PTPRN: variants seen among roughly 807,000 people sequenced by gnomAD.
PTPRN encodes the protein receptor-type tyrosine-protein phosphatase-like N.
In PTPRN, 70 loss-of-function variants were observed where a neutral mutation model predicts 108.5. That is an observed-to-expected ratio of 0.65 (90% CI 0.53 to 0.79). The LOEUF is 0.79. PTPRN is among the 30% of genes least tolerant of loss of function. The probability of loss-of-function intolerance (pLI) is 0.00; values close to 1 mark genes in which losing one functional copy is unlikely to be tolerated. For missense variants in PTPRN, 1,136 were observed against 1,295.5 expected, an observed-to-expected ratio of 0.88 and a Z score of 1.89; for synonymous variants, 496 against 524.6, an observed-to-expected ratio of 0.95 and a Z score of 0.75.
At chr2:219,300,713 T>A (rs1952325261) in intron 8 of PTPRN, among the ~76,000 whole-genome samples, 1 of 152,122 alleles carries the variant, frequency 6.6e-6, no homozygotes, top group Non-Finnish European at 1.5e-5. Flanking sequence ...TGGTCTGAAA[T>A]GATTGTAGTG....
chr2:219,294,719 G>C (rs1201256609), intron 19 of PTPRN, among the ~76,000 whole-genome samples: 1 of 152,148 alleles, frequency 6.6e-6, no homozygotes, highest in African/African-American at 2.4e-5. Context: ...GCCAGTCCCG[G>C]GAGCGTGAGA....
rs372204624 is a variant in PTPRN at position 219,303,636 on chromosome 2, G to A, written c.377+99C>T. 7.2e-6 allele frequency: 8 copies of A among 1,117,358 alleles called. No homozygotes were observed. In the African/African-American group the frequency reaches 1.2e-4, roughly 17 times the overall value. 69.2% of individuals were successfully genotyped at this position (1,117,358 alleles called of 1,614,324 possible). A position where few individuals can be genotyped will look rare whatever the true frequency, so the allele number is the denominator to read the frequency against. On this transcript the variant is annotated intron_variant, in intron 4 of 22. Transcript: ENST00000295718. ...TCTTTACCTGTGCCCCAGCATGCTG[G>A]CCTTGGTGCCCACTTCCTTCCCCTT...
intron 20 of PTPRN, among the ~76,000 whole-genome samples, 195 bp downstream of exon 20, chr2:219,291,275 C>G (rs1426822061): frequency 6.6e-6 from 1 of 152,206 alleles, no homozygotes; most frequent in Non-Finnish European, 1.5e-5. Flanking sequence ...GTTTGTATCA[C>G]ATACTTTTCT....
At position 219,299,323 on chromosome 2, in the gene PTPRN, C is replaced by G. The variant is rs746702123; in HGVS notation, c.1585G>C (p.Asp529His). Reference sequence around the variant, plus strand: ...TATTTACCTGCTTGTTGGGTCACATCAGCCAAAGACAGGTTCTGCTCATTG... The same window carrying G: ...TATTTACCTGCTTGTTGGGTCACATGAGCCAAAGACAGGTTCTGCTCATTG... ...RHNEQNLSLADVTQQAGLVKS... is the reference protein window; with the variant it reads ...RHNEQNLSLAHVTQQAGLVKS... Residue 529 changes from aspartate (D) to histidine (H), a missense_variant, in exon 11 of 23, where the codon GAT (aspartate) becomes CAT (histidine). Coordinates refer to ENST00000295718, the MANE Select transcript of PTPRN (RefSeq NM_002846.4). The G allele has an allele frequency of 2.8e-5, 45 of 1,614,104 alleles. 1 individual carries two copies. The Admixed American group carries it at 6.3e-4, about 23-fold the overall frequency.
rs1438784952 is a variant in PTPRN, at chr2:219,307,575, G to A, written c.167-18C>T. 5.6e-6 allele frequency: 9 copies of A among 1,609,020 alleles called. No individual in the cohort carries two copies. The highest frequency in any genetic ancestry group is 1.3e-5 in the African/African-American group (1 of 74,790). On this transcript the variant is annotated intron_variant, in intron 2 of 22. Coordinates refer to ENST00000295718, the MANE Select transcript of PTPRN (RefSeq NM_002846.4). ...CAAGCCATCTAAGGGCACAAAAGTGGTGTCAGCAGGGGGCTTGAATAAGAG... is the reference window on the plus strand; with the variant it reads ...CAAGCCATCTAAGGGCACAAAAGTGATGTCAGCAGGGGGCTTGAATAAGAG...
chr2:219,300,843 G>A, intron 8 of PTPRN, 100 bp downstream of exon 8: 1 of 1,347,920 alleles, frequency 7.4e-7, no homozygotes, highest in South Asian at 1.2e-5. Context: ...ATGAGGGGTG[G>A]GAGGATACAG....
At chr2:219,300,366 T>A in intron 8 of PTPRN, 107 bp from the exon 9 acceptor site, 3 of 1,242,178 alleles carry the variant, frequency 2.4e-6, no homozygotes, top group Non-Finnish European at 3.3e-6. Context: ...TTTCACTTTC[T>A]ACCCCCAGGG....
At chr2:219,294,830 G>A in intron 19 of PTPRN, 145 bp downstream of exon 19, 3 of 840,694 alleles carry the variant, frequency 3.6e-6, no homozygotes, top group Non-Finnish European at 5.0e-6. Context: ...GCTTTTAGGG[G>A]TGGGAGCGTG....
Position 219,309,231 on chromosome 2 carries a change from G to A in PTPRN, c.102C>T (p.Ala34=), listed in dbSNP as rs1952565466. ...LLSSRPGGCS[A]VSAHGCLFDR... is the part of the protein sequence containing the mutation. The stretch of plus-strand genomic sequence containing the variant: ...TTTCCTCCTGACCGTGGGCACTAAC[G>A]GCGCTGCAGCCCCCCGGGCGGCTGC... The change falls in exon 1 of 23, where the codon GCC becomes GCT. Residue 34 remains alanine (A), a synonymous_variant. Transcript: ENST00000295718. 7.2e-7 allele frequency: 1 copy of A among 1,394,972 alleles called. No individual in the cohort carries two copies. Among genetic ancestry groups the A allele is most frequent in the East Asian group, 3.2e-5 (1 of 31,424 alleles). The allele number at this position is 1,394,972 out of a possible 1,614,324, so 86.4% of individuals were successfully genotyped here. A position where few individuals can be genotyped will look rare whatever the true frequency, so the allele number is the denominator to read the frequency against.
Position 219,290,552 on chromosome 2 carries a change from G to T in PTPRN, c.2854C>A (p.Leu952Ile). ...GGCATGGTCACCTTAGAGCGGACAA[G>T]GCCAGGCCGCTGGTCACGGACATGC... ...LEHVRDQRPG[L>I]VRSKDQFEFA... Residue 952 changes from leucine to isoleucine, a missense_variant, in exon 22 of 23, where the codon CTT becomes ATT. Transcript: ENST00000295718. This position sits in a 1 kb window ranked among gnomAD's most constrained non-coding sequence, Gnocchi z 4.2. The T allele has an allele frequency of 6.4e-7, 1 of 1,551,754 alleles. No individual in the cohort carries two copies. Among genetic ancestry groups the T allele is most frequent in the Non-Finnish European group, 8.7e-7 (1 of 1,146,982 alleles).
rs534613315 is a variant in PTPRN at position 219,302,568 on chromosome 2, G to A, written c.639+8C>T. The A allele has an allele frequency of 1.9e-6, 3 of 1,614,022 alleles. No homozygotes were observed. The highest frequency in any genetic ancestry group is 2.7e-5 in the African/African-American group (2 of 75,048). The stretch of plus-strand genomic sequence containing the variant: ...GCGGTTGGGGTGGGACCAGAGTCAA[G>A]GACTTACCTGGTGGAACAGGTAGGG... On this transcript the variant is annotated splice_region_variant and intron_variant, in intron 5 of 22. Transcript: ENST00000295718.
chr2:219,296,715 G>A lies in PTPRN; in HGVS notation c.2310+34C>T, dbSNP rs1952205685. On this transcript the variant is annotated intron_variant, in intron 16 of 22. Coordinates refer to ENST00000295718, the MANE Select transcript of PTPRN (RefSeq NM_002846.4). The surrounding 1 kb of genome is among the most constrained non-coding windows in gnomAD (Gnocchi z 6.0). The stretch of plus-strand genomic sequence containing the variant: ...GTGCATAGGGCCAGGATAATGATGG[G>A]GCAGAGGTGGGGGCTGGAGTCAGGG... The A allele has an allele frequency of 6.2e-7, 1 of 1,610,804 alleles. No individual in the cohort carries two copies. The highest frequency in any genetic ancestry group is 1.1e-5 in the South Asian group (1 of 90,742).
intron 1 of PTPRN, chr2:219,308,802 A>G (rs1166246799): frequency 2.4e-6 from 3 of 1,275,376 alleles, no homozygotes; most frequent in Non-Finnish European, 3.1e-6. Context: ...TCTGCGGCCC[A>G]GGCTTCCACT....
rs1269022100 is a variant in PTPRN, at chr2:219,295,088, G to A, written c.2562C>T (p.Phe854=). ...IWCEDFLVRS[F]YLKNVQTQET... ...CCTGGGTCTGCACGTTCTTCAGGTA[G>A]AAGCTCCGCACCAGAAAGTCCTCGC... Residue 854 remains phenylalanine (F), a synonymous_variant, in exon 19 of 23, where the codon TTC becomes TTT. Transcript: ENST00000295718. 1 of 1,613,464 alleles carries A rather than the reference G, an allele frequency of 6.2e-7. No homozygotes were observed. The highest frequency in any genetic ancestry group is 1.3e-5 in the African/African-American group (1 of 74,890).
In PTPRN at chr2:219,291,000, C is replaced by T. The variant is rs1952042319; in HGVS notation, c.2730-110G>A. On this transcript the variant is annotated intron_variant, in intron 20 of 22. Coordinates refer to ENST00000295718, the MANE Select transcript of PTPRN (RefSeq NM_002846.4). This position sits in a 1 kb window ranked among gnomAD's most constrained non-coding sequence, Gnocchi z 4.2. Reference sequence around the variant, plus strand: ...GGGGGAGGGGAGGACACTGGGTGACCCGTTGGGGTTGGCTTGGAGAGGGAC... The same window carrying T: ...GGGGGAGGGGAGGACACTGGGTGACTCGTTGGGGTTGGCTTGGAGAGGGAC... The T allele has an allele frequency of 5.6e-6, 6 of 1,080,452 alleles. No homozygotes were observed. The highest frequency in any genetic ancestry group is 7.1e-6 in the Non-Finnish European group (5 of 705,720). 66.9% of individuals were successfully genotyped at this position (1,080,452 alleles called of 1,614,324 possible).
chr2:219,302,873 G>A (rs1194082923), intron 4 of PTPRN, 36 bp from the exon 5 acceptor site: 14 of 1,596,478 alleles, frequency 8.8e-6, no homozygotes, highest in African/African-American at 1.4e-5. Flanking sequence ...GTTGGAGCGG[G>A]GGAAAGGGCA....
At chr2:219,298,139 G>A (rs370511481) in intron 12 of PTPRN, 36 bp from the exon 13 acceptor site, 2 of 1,593,810 alleles carry the variant, frequency 1.3e-6, no homozygotes, top group Non-Finnish European at 1.7e-6. Flanking sequence ...GGAGGCAGTG[G>A]CATAGGGAGG....
In PTPRN at chr2:219,303,626, C is replaced by T. The variant is rs1018389388; in HGVS notation, c.377+109G>A. ...TTCCTGCACCTCTTTACCTGTGCCCCAGCATGCTGGCCTTGGTGCCCACTT... is the reference window on the plus strand; with the variant it reads ...TTCCTGCACCTCTTTACCTGTGCCCTAGCATGCTGGCCTTGGTGCCCACTT... On this transcript the variant is annotated intron_variant, in intron 4 of 22. Coordinates refer to ENST00000295718, the MANE Select transcript of PTPRN (RefSeq NM_002846.4). 19 of 1,000,114 alleles carry T rather than the reference C, an allele frequency of 1.9e-5. No individual in the cohort carries two copies. In the African/African-American group the frequency reaches 2.9e-4, roughly 15 times the overall value. 62.0% of individuals were successfully genotyped at this position (1,000,114 alleles called of 1,614,324 possible).
In PTPRN at chr2:219,290,070, G is replaced by T; in HGVS notation, c.*156C>A. 5.7e-6 allele frequency: 4 copies of T among 707,886 alleles called. No homozygotes were observed. Among genetic ancestry groups the T allele is most frequent in the Non-Finnish European group, 2.4e-6 (1 of 409,868 alleles). The allele number at this position is 707,886 out of a possible 1,614,324, so 43.9% of individuals were successfully genotyped here. ...GGCTCTGGCATGCGAGGCTGGGCAG[G>T]CGTGCCCCTTCTGGCTTTCCCTTCC... On this transcript the variant is annotated 3_prime_UTR_variant, in exon 23 of 23. Transcript: ENST00000295718. This position sits in a 1 kb window ranked among gnomAD's most constrained non-coding sequence, Gnocchi z 4.2.
Sources: gnomAD v4.1 joint callset for allele counts (sites outside exome capture counted in the v4.1 genomes callset) on GRCh38, gnomAD v4.1.1 for gene constraint, Gnocchi (gnomAD v3.1) non-coding constraint, MANE v1.5 for transcripts, NCBI Gene and HGNC (gene_info 2026-07-23, HGNC 2026-07-21) for gene names.